Variants in NUCB1 observed in about 807,000 individuals in gnomAD.
The protein encoded by NUCB1 is nucleobindin 1.
In NUCB1, 47 loss-of-function variants were observed where a neutral mutation model predicts 61.2. The observed-to-expected ratio is 0.77, with a 90% CI of 0.61 to 0.98. NUCB1 has a LOEUF of 0.98. Among genes scored for constraint, NUCB1 ranks in the 50% least tolerant of loss-of-function variants. The probability of loss-of-function intolerance (pLI) is 0.00; values close to 1 mark genes in which losing one functional copy is unlikely to be tolerated. For synonymous variants in NUCB1, 234 were observed against 243.1 expected (o/e 0.96, Z 0.35); for missense variants, 583 against 605.3 (o/e 0.96, Z 0.39).
chr19:48,912,801 G>A (rs1369974421), intron 5 of NUCB1, among the ~76,000 whole-genome samples: 1 of 141,392 alleles, frequency 7.1e-6, no homozygotes, highest in Non-Finnish European at 1.5e-5. Flanking sequence ...CAGAGATTGT[G>A]CCACCGCACT....
intron 11 of NUCB1, among the ~76,000 whole-genome samples, chr19:48,921,541 A>AGGAGGGAAAGGCCCAGGAG (rs1404841435): frequency 1.3e-5 from 2 of 152,098 alleles, no homozygotes; most frequent in African/African-American, 4.8e-5. Context: ...GCTGTAAGTG[A>AGGAGGGAAAGGCCCAGGAG]GGAGGGAAAG....
chr19:48,912,915 T>C (rs2122187802), intron 5 of NUCB1, 96 bp from the exon 6 acceptor site: 1 of 769,504 alleles, frequency 1.3e-6, no homozygotes. Flanking sequence ...GGGGCTGCCC[T>C]CAGCCAGGTT....
intron 7 of NUCB1, among the ~76,000 whole-genome samples, chr19:48,914,810 G>T (rs1292282096): frequency 6.6e-6 from 1 of 151,976 alleles, no homozygotes; most frequent in African/African-American, 2.4e-5. Context: ...ACCAGGCGTG[G>T]TGGCTCACGC....
At chr19:48,912,502 A>G (rs2037485355) in intron 5 of NUCB1, among the ~76,000 whole-genome samples, 1 of 152,064 alleles carries the variant, frequency 6.6e-6, no homozygotes, top group African/African-American at 2.4e-5. Context: ...TAAAGAGAAG[A>G]AAGTGTGTTA....
At position 48,913,128 on chromosome 19, in the gene NUCB1, A is replaced by G; in HGVS notation, c.598A>G (p.Lys200Glu). The G allele has an allele frequency of 1.9e-6, 3 of 1,613,906 alleles. No individual in the cohort carries two copies. The highest frequency in any genetic ancestry group is 1.7e-6 in the Non-Finnish European group (2 of 1,179,982). Residue 200 changes from lysine to glutamate, a missense_variant, in exon 6 of 13, where the codon AAG (lysine) becomes GAG (glutamate). By Grantham distance (56) the Lys-to-Glu change is moderately conservative. Transcript: ENST00000405315. Reference protein sequence around the residue: ...YLESLGEEQRKEAERKLEEQQ... With the variant: ...YLESLGEEQREEAERKLEEQQ... ...GGAGTCACTGGGAGAGGAGCAGAGA[A>G]AGGAGGCGGAGAGGAAGCTGGAAGA...
chr19:48,900,553 G>A (rs546296381), intron 1 of NUCB1, 181 bp downstream of exon 1: 216 of 566,394 alleles, frequency 3.8e-4, no homozygotes, highest in Non-Finnish European at 6.0e-4. Flanking sequence ...CCGGATTCCT[G>A]AGTGTGAGAG....
intron 6 of NUCB1, 69 bp downstream of exon 6, chr19:48,913,265 T>A: frequency 6.7e-7 from 1 of 1,489,624 alleles, no homozygotes; most frequent in Non-Finnish European, 9.0e-7. Flanking sequence ...AGAAAGCAGT[T>A]AAAGAACTAC....
At chr19:48,903,874 ATG>A (rs1204815887) in intron 2 of NUCB1, among the ~76,000 whole-genome samples, 1 of 110,670 alleles carries the variant, frequency 9.0e-6, no homozygotes, top group Non-Finnish European at 1.8e-5. Context: ...GGATGGATGG[ATG>A]GATGGATGGG....
chr19:48,909,884 A>G (rs946253537), intron 4 of NUCB1, among the ~76,000 whole-genome samples: 2 of 151,840 alleles, frequency 1.3e-5, no homozygotes, highest in Non-Finnish European at 2.9e-5. Flanking sequence ...ATGTTGGATT[A>G]GGGCCCACAG....
Position 48,913,035 on chromosome 19 carries a change from G to A in NUCB1, c.505G>A (p.Asp169Asn), listed in dbSNP as rs1236711420. The A allele has an allele frequency of 2.5e-6, 4 of 1,612,714 alleles. No homozygotes were observed. The highest frequency in any genetic ancestry group is 1.1e-5 in the South Asian group (1 of 90,986). ...QTATRDLAQY[D>N]AAHHEEFKRY... The stretch of plus-strand genomic sequence containing the variant: ...GGCCACCCGGGACCTTGCCCAGTAC[G>A]ACGCAGCCCATCATGAAGAGTTCAA... The change falls in exon 6 of 13, where the codon GAC becomes AAC. Residue 169 changes from aspartate (D) to asparagine (N), a missense_variant. Transcript: ENST00000405315.
At chr19:48,919,372 TTCTC>T in intron 10 of NUCB1, 86 bp downstream of exon 10, 1 of 989,986 alleles carries the variant, frequency 1.0e-6, no homozygotes, top group Non-Finnish European at 1.5e-6. Flanking sequence ...CCCCTTCTCT[TTCTC>T]TCTGGGTCCC....
intron 4 of NUCB1, chr19:48,910,912 G>T: frequency 2.4e-6 from 1 of 418,246 alleles, no homozygotes; most frequent in Non-Finnish European, 4.4e-6. Context: ...CTTAGGGCAT[G>T]GCCTGGCATC....
intron 4 of NUCB1, among the ~76,000 whole-genome samples, chr19:48,908,726 GTGTGT>G (rs1568584905): frequency 2.1e-4 from 22 of 105,902 alleles, no homozygotes; most frequent in Admixed American, 3.6e-4. Context: ...CAAGGGGTGT[GTGTGT>G]GTGTGTGTGT....
At chr19:48,908,847 G>A (rs1167673731) in intron 4 of NUCB1, among the ~76,000 whole-genome samples, 1 of 151,946 alleles carries the variant, frequency 6.6e-6, no homozygotes, top group African/African-American at 2.4e-5. Context: ...GCGCAGGCCT[G>A]GGCCCCTAGA....
At chr19:48,911,063 C>T (rs1368056034) in intron 4 of NUCB1, 86 bp from the exon 5 acceptor site, 25 of 975,130 alleles carry the variant, frequency 2.6e-5, no homozygotes, top group East Asian at 2.4e-4. Context: ...TAGTGCTGTC[C>T]GTGACTTCTT....
Position 48,921,926 on chromosome 19 carries a change from G to C in NUCB1, c.1273G>C (p.Asp425His). ...TGAGGGGCAGCTCAAGTTCCACCCA[G>C]ACACAGGTGCTGGCCCTAGTCCAGG... ...HPEGQLKFHP[D>H]TDDVPVPAPA... The change falls in exon 12 of 13, where the codon GAC becomes CAC. Residue 425 changes from aspartate (D) to histidine (H), a missense_variant. Transcript: ENST00000405315. The C allele has an allele frequency of 6.3e-7, 1 of 1,597,702 alleles. No homozygotes were observed. The highest frequency in any genetic ancestry group is 1.1e-5 in the South Asian group (1 of 89,480).
chr19:48,913,096 G>A lies in NUCB1; in HGVS notation c.566G>A (p.Arg189His), dbSNP rs753001033. ...ATGCTTAAGGAACACGAGAGACGGC[G>A]TTATCTGGAGTCACTGGGAGAGGAG... ...YEMLKEHERR[R>H]YLESLGEEQR... Residue 189 changes from arginine to histidine, a missense_variant, in exon 6 of 13, where the codon CGT becomes CAT. Transcript: ENST00000405315. 3.1e-5 allele frequency: 50 copies of A among 1,613,782 alleles called. No homozygotes were observed. The Admixed American group carries it at 5.3e-4, about 17-fold the overall frequency.
At chr19:48,901,025 C>G in intron 2 of NUCB1, 94 bp downstream of exon 2, 1 of 1,415,876 alleles carries the variant, frequency 7.1e-7, no homozygotes, top group Non-Finnish European at 9.9e-7. Flanking sequence ...GCTCCAGTGA[C>G]TTCCTGGCCC....
intron 4 of NUCB1, 21 bp downstream of exon 4, chr19:48,905,906 A>AGGGGGGGGG: frequency 6.2e-6 from 2 of 320,670 alleles, no homozygotes; most frequent in South Asian, 2.4e-5. Context: ...GCAGGGCGGG[A>AGGGGGGGGG]GGGACAGGCA....
Sources: gnomAD v4.1 joint callset for allele counts (sites outside exome capture counted in the v4.1 genomes callset) on GRCh38, gnomAD v4.1.1 for gene constraint, MANE v1.5 for transcripts, NCBI Gene and HGNC (gene_info 2026-07-23, HGNC 2026-07-21) for gene names.